LMO1: variants seen among roughly 807,000 people sequenced by gnomAD.
LMO1 encodes the protein rhombotin-1.
A neutral mutation model predicts 18.0 loss-of-function variants in LMO1; 10 were observed. The ratio of observed to expected loss-of-function variants is 0.55; its 90% CI spans 0.34 to 0.94. LMO1 has a LOEUF of 0.94. LMO1 is among the 40% of genes least tolerant of loss of function. The probability of loss-of-function intolerance (pLI) is 0.02; values close to 1 mark genes in which losing one functional copy is unlikely to be tolerated. For synonymous variants in LMO1, 77 were observed against 77.9 expected (o/e 0.99, Z 0.06); for missense variants, 183 against 205.7 (o/e 0.89, Z 0.68).
chr11:8,268,538 C>CCGG, upstream of LMO1: 1 of 1,139,114 alleles, frequency 8.8e-7, no homozygotes, highest in Middle Eastern at 2.5e-4. Flanking sequence ...GCTGCTCCCG[C>CCGG]CGGCCCCGCG....
chr11:8,227,935 C>T (rs541531127), intron 2 of LMO1, among the ~76,000 whole-genome samples: 1 of 152,380 alleles, frequency 6.6e-6, no homozygotes, highest in East Asian at 1.9e-4. Context: ...TCCCAAAGTG[C>T]TGGGACTACA....
Position 8,230,412 on chromosome 11 carries a change from A to G in LMO1, c.118T>C (p.Leu40=), listed in dbSNP as rs373948501. 6.2e-7 allele frequency: 1 copy of G among 1,614,112 alleles called. No individual in the cohort carries two copies. Among genetic ancestry groups the G allele is most frequent in the South Asian group, 1.1e-5 (1 of 91,088 alleles). ...CAGTCTTCGTGCCAGTACTTGTCCAATGCCTTCAGCAGATAGCGGTCCTTG... is the reference window on the plus strand; with the variant it reads ...CAGTCTTCGTGCCAGTACTTGTCCAGTGCCTTCAGCAGATAGCGGTCCTTG... ...KIKDRYLLKA[L]DKYWHEDCLK... The change falls in exon 2 of 4, where the codon TTG becomes CTG. Residue 40 remains leucine, a synonymous_variant. Coordinates refer to ENST00000335790, the MANE Select transcript of LMO1 (RefSeq NM_002315.3).
chr11:8,234,595 G>A (rs1419113888), intron 1 of LMO1, among the ~76,000 whole-genome samples: 2 of 152,144 alleles, frequency 1.3e-5, no homozygotes, highest in African/African-American at 2.4e-5. Context: ...AGCCCAGAAC[G>A]TCTACCTCAC....
chr11:8,262,597 G>A (rs2134590566), intron 1 of LMO1, among the ~76,000 whole-genome samples: 1 of 152,310 alleles, frequency 6.6e-6, no homozygotes, highest in East Asian at 1.9e-4. Context: ...GCGCACTGAG[G>A]CTCGACCACG....
intron 1 of LMO1, among the ~76,000 whole-genome samples, chr11:8,238,667 T>A (rs557907482): frequency 1.1e-5 from 1 of 88,368 alleles, no homozygotes; most frequent in Non-Finnish European, 2.2e-5. Context: ...TGAGACTCCA[T>A]CTCAAAAAAA....
intron 1 of LMO1, among the ~76,000 whole-genome samples, chr11:8,259,387 G>A (rs1193786324): frequency 4.6e-5 from 7 of 152,188 alleles, no homozygotes. Context: ...GCAGGAAGGG[G>A]AAGCGGCTGT....
chr11:8,226,827 A>C, intron 3 of LMO1, 148 bp downstream of exon 3: 1 of 1,378,002 alleles, frequency 7.3e-7, no homozygotes. Flanking sequence ...CACATAAAGC[A>C]CATGCACGCT....
intron 1 of LMO1, among the ~76,000 whole-genome samples, chr11:8,231,260 G>C (rs1952652416): frequency 6.6e-6 from 1 of 152,192 alleles, no homozygotes; most frequent in Non-Finnish European, 1.5e-5. Context: ...GCCCATACCA[G>C]CTTCCCAACA....
chr11:8,260,737 C>T (rs937118047), intron 1 of LMO1, among the ~76,000 whole-genome samples: 1 of 152,106 alleles, frequency 6.6e-6, no homozygotes, highest in Non-Finnish European at 1.5e-5. Flanking sequence ...CTGGCAGACC[C>T]GACTTCAACC....
chr11:8,243,903 C>T (rs1846841867), intron 1 of LMO1, among the ~76,000 whole-genome samples: 1 of 152,256 alleles, frequency 6.6e-6, no homozygotes. Context: ...GCCTCCCAGC[C>T]TATCATCAGC....
At chr11:8,225,691 G>A (rs1952526780) in intron 3 of LMO1, among the ~76,000 whole-genome samples, 1 of 152,104 alleles carries the variant, frequency 6.6e-6, no homozygotes, top group Non-Finnish European at 1.5e-5. Flanking sequence ...CCCCAGGGTG[G>A]GTGAAGCCTT....
In LMO1 at chr11:8,224,519, C is replaced by G; in HGVS notation, c.*97G>C. On this transcript the variant is annotated 3_prime_UTR_variant, in exon 4 of 4. Coordinates refer to ENST00000335790, the MANE Select transcript of LMO1 (RefSeq NM_002315.3). ...AAGTTCTAATGTGGCAGGAGAGCGG[C>G]TGGCCAGCCTGCACTGGTAGAGTGG... 1 of 696,504 alleles carries G rather than the reference C, an allele frequency of 1.4e-6. No homozygotes were observed. The highest frequency in any genetic ancestry group is 1.7e-5 in the South Asian group (1 of 58,808). The allele number at this position is 696,504 out of a possible 1,614,324, so 43.1% of individuals were successfully genotyped here. A position where few individuals can be genotyped will look rare whatever the true frequency, so the allele number is the denominator to read the frequency against.
intron 1 of LMO1, among the ~76,000 whole-genome samples, chr11:8,243,691 C>T (rs1344315583): frequency 2.0e-5 from 3 of 152,192 alleles, no homozygotes; most frequent in Admixed American, 6.5e-5. Flanking sequence ...CCATCTGGGC[C>T]CTGCACCCAG....
chr11:8,226,844 C>T, intron 3 of LMO1, 131 bp downstream of exon 3: 1 of 1,422,052 alleles, frequency 7.0e-7, no homozygotes, highest in Non-Finnish European at 9.2e-7. Flanking sequence ...CGCTCATAAC[C>T]TGCACGCACC....
Position 8,263,410 on chromosome 11 carries a change from G to T in LMO1, c.-48C>A, listed in dbSNP as rs1310287854. On this transcript the variant is annotated 5_prime_UTR_variant, in exon 1 of 4. Transcript: ENST00000335790. ...GCAGCTAGGCTCGGCCGGGAGAAGG[G>T]CGCCGACTCGGGGCGCGCTTTGGAG... 3 of 1,592,680 alleles carry T rather than the reference G, an allele frequency of 1.9e-6. No homozygotes were observed. The African/African-American group carries it at 4.1e-5, about 22-fold the overall frequency.
intron 1 of LMO1, among the ~76,000 whole-genome samples, chr11:8,249,946 C>T (rs1271584914): frequency 6.6e-6 from 1 of 152,224 alleles, no homozygotes; most frequent in Non-Finnish European, 1.5e-5. Flanking sequence ...GAGGATTTTT[C>T]ATCAAGAAAG....
At chr11:8,260,998 C>T (rs1342205133) in intron 1 of LMO1, among the ~76,000 whole-genome samples, 5 of 152,268 alleles carry the variant, frequency 3.3e-5, no homozygotes, top group Admixed American at 2.0e-4. Flanking sequence ...GCATCCAGAA[C>T]CTTTCTCCCT....
At chr11:8,244,443 G>A (rs890483398) in intron 1 of LMO1, among the ~76,000 whole-genome samples, 1 of 152,244 alleles carries the variant, frequency 6.6e-6, no homozygotes, top group Non-Finnish European at 1.5e-5. Context: ...AGCGGAACCC[G>A]CATGGCGGGC....
At chr11:8,255,413 A>C (rs1397425598) in intron 1 of LMO1, among the ~76,000 whole-genome samples, 1 of 152,208 alleles carries the variant, frequency 6.6e-6, no homozygotes, top group Non-Finnish European at 1.5e-5. Flanking sequence ...CTGAAGAGGG[A>C]GGATCACTTG....
Sources: allele counts gnomAD v4.1 joint callset (sites outside exome capture counted in the v4.1 genomes callset), GRCh38; gene constraint gnomAD v4.1.1; transcripts MANE v1.5; gene names NCBI Gene and HGNC (gene_info 2026-07-23, HGNC 2026-07-21).